The following IL18BP variants were observed in gnomAD, a reference collection of about 807,000 sequenced individuals.
IL18BP encodes interleukin-18-binding protein.
IL18BP carries 23 observed loss-of-function variants against 19.9 expected under a neutral mutation model. The observed-to-expected ratio is 1.15, with a 90% CI of 0.83 to 1.64. The LOEUF (loss-of-function observed/expected upper bound fraction) is 1.64. Ranked by LOEUF, IL18BP falls within the 40% of genes most tolerant of loss-of-function variation. IL18BP has a pLI of 0.00. For synonymous variants in IL18BP, 107 were observed against 101.0 expected, an observed-to-expected ratio of 1.06 and a Z score of -0.35; for missense variants, 239 against 240.7, an observed-to-expected ratio of 0.99 and a Z score of 0.05.
downstream of IL18BP, chr11:72,006,241 T>A: frequency 6.2e-7 from 1 of 1,614,170 alleles, no homozygotes; most frequent in South Asian, 1.1e-5. Flanking sequence ...GTTGGCGCTG[T>A]CTGGCTCTTC....
At position 72,001,219 on chromosome 11, in the gene IL18BP, C is replaced by G. The variant is rs751127650; in HGVS notation, c.254C>G (p.Ser85Cys). ...TCCCTAGATGGAACGCTGAGCTTAT[C>G]CTGTGTGGCCTGCAGCCGCTTCCCC... is the stretch of plus-strand genomic sequence containing the variant. ...EVPLNGTLSLSCVACSRFPNF... is the reference protein window; with the variant it reads ...EVPLNGTLSLCCVACSRFPNF... The change falls in exon 4 of 6, where the codon TCC (serine) becomes TGC (cysteine). Residue 85 changes from serine to cysteine, a missense_variant. Physicochemically the swap from Ser to Cys is moderately radical, Grantham distance 112 (BLOSUM62 -1). Coordinates refer to ENST00000393703, the MANE Select transcript of IL18BP (RefSeq NM_001039660.2). The G allele has an allele frequency of 1.9e-6, 3 of 1,614,200 alleles. No individual in the cohort carries two copies. The highest frequency in any genetic ancestry group is 2.5e-6 in the Non-Finnish European group (3 of 1,180,028).
chr11:72,003,755 C>G, downstream of IL18BP: 1 of 1,058,768 alleles, frequency 9.4e-7, no homozygotes, highest in Admixed American at 2.2e-5. Context: ...GCTACCAGGA[C>G]AGGGACACCT....
intron 3 of IL18BP, 55 bp downstream of exon 3, chr11:72,000,612 G>A (rs932494675): frequency 2.0e-6 from 3 of 1,489,868 alleles, no homozygotes; most frequent in Admixed American, 3.4e-5. Flanking sequence ...CCCAGGGTCG[G>A]GTTGACTCCT....
At chr11:72,007,820 T>C (rs1955850066), downstream of IL18BP, 1 of 356,830 alleles carries the variant, frequency 2.8e-6, no homozygotes. Context: ...CATAATCCAA[T>C]GTCGTCCTGC....
chr11:72,001,668 G>T, intron 5 of IL18BP, 116 bp downstream of exon 5: 1 of 1,606,954 alleles, frequency 6.2e-7, no homozygotes, highest in Non-Finnish European at 8.5e-7. Flanking sequence ...CATTCCTCAA[G>T]GTCAGCCAGA....
At chr11:72,004,603 C>T, downstream of IL18BP, 1 of 1,595,780 alleles carries the variant, frequency 6.3e-7, no homozygotes, top group Non-Finnish European at 8.5e-7. Context: ...GACCTGAGCA[C>T]AGTGCTGGAG....
chr11:72,002,923 G>A (rs190921526), downstream of IL18BP: 122 of 231,964 alleles, frequency 5.3e-4, no homozygotes, highest in Admixed American at 5.9e-3. Context: ...ATCCATCCCC[G>A]GCCCTTAAAA....
chr11:72,005,269 G>A (rs753019238), downstream of IL18BP: 66 of 1,606,050 alleles, frequency 4.1e-5, no homozygotes, highest in Non-Finnish European at 3.1e-5. Flanking sequence ...TCAGATGTGG[G>A]GGGCACACTC....
At chr11:72,008,165 T>TGTAA (rs1189880663), downstream of IL18BP, 10 of 475,360 alleles carry the variant, frequency 2.1e-5, no homozygotes, top group Non-Finnish European at 3.8e-5. Context: ...AATAAGTAAA[T>TGTAA]GTAAGTGTTT....
chr11:72,007,865 T>A (rs10736784), downstream of IL18BP: 311,217 of 346,108 alleles, frequency 0.9, 140,612 homozygotes, highest in Non-Finnish European at 0.95. Flanking sequence ...CCTGAACAGC[T>A]CCTAACCACA....
chr11:72,000,642 C>A, intron 3 of IL18BP, 85 bp downstream of exon 3: 1 of 1,138,722 alleles, frequency 8.8e-7, no homozygotes, highest in Non-Finnish European at 1.3e-6. Context: ...TCCCCTTCTG[C>A]CCATGTACCA....
chr11:72,005,546 G>A, downstream of IL18BP: 1 of 589,182 alleles, frequency 1.7e-6, no homozygotes, highest in African/African-American at 1.9e-5. Flanking sequence ...CTATCCTAGG[G>A]GCTTGCTCAC....
chr11:71,999,764 C>T, intron 1 of IL18BP, 163 bp from the exon 2 acceptor site: 1 of 579,528 alleles, frequency 1.7e-6, no homozygotes, highest in Admixed American at 3.1e-5. Context: ...GTCATGAGAG[C>T]TGGGGTGGGG....
At chr11:72,001,167 C>G in intron 3 of IL18BP, 34 bp from the exon 4 acceptor site, 1 of 1,613,404 alleles carries the variant, frequency 6.2e-7, no homozygotes, top group Non-Finnish European at 8.5e-7. Context: ...AGGGCCTGCT[C>G]TTCTGAAGAG....
intron 2 of IL18BP, 81 bp downstream of exon 2, chr11:72,000,093 C>G: frequency 6.6e-7 from 1 of 1,507,034 alleles, no homozygotes; most frequent in Non-Finnish European, 9.2e-7. Context: ...AACCCGGAGC[C>G]TTCACTCCAA....
rs755558870 is a variant in IL18BP, at chr11:72,001,489, C to A, written c.444C>A (p.Phe148Leu). 3 of 1,613,892 alleles carry A rather than the reference C, an allele frequency of 1.9e-6. No homozygotes were observed. The Admixed American group carries it at 5.0e-5, about 27-fold the overall frequency. Residue 148 changes from phenylalanine (F) to leucine (L), a missense_variant, in exon 5 of 6, where the codon TTC becomes TTA. Phe to Leu is a conservative substitution (Grantham distance 22). Coordinates refer to ENST00000393703, the MANE Select transcript of IL18BP (RefSeq NM_001039660.2). ...CCCCTGCCCTGCACAGCACCAACTT[C>A]TCCTGTGTGCTCGTGGACCCTGAAC... ...QLTPALHSTN[F>L]SCVLVDPEQV...
chr11:72,004,234 A>G (rs1338928829), downstream of IL18BP: 1 of 1,610,626 alleles, frequency 6.2e-7, no homozygotes, highest in African/African-American at 1.3e-5. Context: ...CCTGTTTAGT[A>G]GAAGCTGGAG....
rs772137885 is a variant in IL18BP, at chr11:72,001,165, C to G, written c.236-36C>G. On this transcript the variant is annotated intron_variant, in intron 3 of 5. Coordinates refer to ENST00000393703, the MANE Select transcript of IL18BP (RefSeq NM_001039660.2). Reference sequence around the variant, plus strand: ...CAGAGCAGGGTAGGGGAAGGGCCTGCTCTTCTGAAGAGCTAACTGCTGCCT... The same window carrying G: ...CAGAGCAGGGTAGGGGAAGGGCCTGGTCTTCTGAAGAGCTAACTGCTGCCT... 2.5e-6 allele frequency: 4 copies of G among 1,613,226 alleles called. No individual in the cohort carries two copies. In the South Asian group the frequency reaches 4.4e-5, roughly 18 times the overall value.
rs1590837744 is a variant in IL18BP, at chr11:72,002,221, C to A, written c.*360C>A. 3.4e-6 allele frequency: 1 copy of A among 292,460 alleles called. No homozygotes were observed. The highest frequency in any genetic ancestry group is 6.4e-5 in the East Asian group (1 of 15,624). The allele number at this position is 292,460 out of a possible 1,614,324, so 18.1% of individuals were successfully genotyped here. A position where few individuals can be genotyped will look rare whatever the true frequency, so the allele number is the denominator to read the frequency against. On this transcript the variant is annotated 3_prime_UTR_variant, in exon 6 of 6. Transcript: ENST00000393703. ...TTCCCACATGACTTTCTGGAAGCCT[C>A]CCAACTATTCTTGCTTTTCCCAGAC...
Sources: allele counts gnomAD v4.1 joint callset, GRCh38; gene constraint gnomAD v4.1.1; transcripts MANE v1.5; gene names NCBI Gene and HGNC (gene_info 2026-07-23, HGNC 2026-07-21).